Variants in MBTPS2 observed in about 807,000 individuals in gnomAD.
The protein encoded by MBTPS2 is membrane bound transcription factor peptidase, site 2.
MBTPS2 carries 2 observed loss-of-function variants against 35.4 expected under a neutral mutation model. That is an observed-to-expected ratio of 0.06 (90% CI 0.02 to 0.18). The LOEUF is 0.18. Ranked by LOEUF, MBTPS2 falls within the 10% of genes least tolerant of loss-of-function variation. The probability of loss-of-function intolerance (pLI) is 1.00; values close to 1 mark genes in which losing one functional copy is unlikely to be tolerated. For missense variants in MBTPS2, 244 were observed against 386.5 expected (o/e 0.63, Z 3.09); for synonymous variants, 125 against 140.4 (o/e 0.89, Z 0.77).
intron 5 of MBTPS2, chrX:21,857,600 G>A (rs757067945): frequency 5.0e-6 from 6 of 1,197,416 alleles, no homozygotes; most frequent in Middle Eastern, 2.3e-4. Flanking sequence ...AAAACAACCC[G>A]TGAAAAGGAG....
intron 7 of MBTPS2, chrX:21,870,778 C>G (rs2092946404): frequency 8.9e-6 from 1 of 112,060 alleles, no homozygotes; most frequent in African/African-American, 3.2e-5. Flanking sequence ...AGGCAAGTTT[C>G]TTCTCGGATC....
At chrX:21,841,612 C>T (rs1029996761) in intron 1 of MBTPS2, among the ~76,000 whole-genome samples, 2 of 111,795 alleles carry the variant, frequency 1.8e-5, no homozygotes, top group Admixed American at 9.5e-5. Context: ...CCAGCCTGAG[C>T]AACATAGTAA....
At position 21,853,186 on chromosome X, in the gene MBTPS2, C is replaced by A. The variant is rs56406474; in HGVS notation, c.543-190C>A. 0.17 allele frequency among the ~76,000 whole-genome samples: 18,833 copies of A among 109,773 alleles called. 1,351 individuals carry two copies. The highest frequency in any genetic ancestry group is 0.24 in the East Asian group (853 of 3,503). ...TGCAAAATTCAATTTCACAGATAAC[C>A]AAATCTGTACATTATTATAAAATTA... On this transcript the variant is annotated intron_variant, in intron 4 of 10. Coordinates refer to ENST00000379484, the MANE Select transcript of MBTPS2 (RefSeq NM_015884.4).
At chrX:21,849,450 T>C (rs1329544180) in intron 3 of MBTPS2, among the ~76,000 whole-genome samples, 1 of 111,602 alleles carries the variant, frequency 9.0e-6, no homozygotes, top group Admixed American at 9.6e-5. Context: ...GTAAATCACA[T>C]TGCAGATTTG....
At chrX:21,863,537 A>T (rs997308597) in intron 5 of MBTPS2, among the ~76,000 whole-genome samples, 1 of 111,110 alleles carries the variant, frequency 9.0e-6, no homozygotes, top group African/African-American at 3.3e-5. Context: ...TGGAATTTTT[A>T]TAGTCAGTGT....
Position 21,880,922 on chromosome X carries a change from T to A in MBTPS2, c.1287T>A (p.Arg429=). 8.3e-7 allele frequency: 1 copy of A among 1,203,648 alleles called. No individual in the cohort carries two copies. The highest frequency in any genetic ancestry group is 3.0e-5 in the East Asian group (1 of 33,767). The change falls in exon 10 of 11, where the codon CGT becomes CGA. Residue 429 remains arginine (R), a synonymous_variant. Transcript: ENST00000379484. ...TGAGCATCACCAGTTTTATCCCACGTTTTAACTTTCTAAGCATAGATCTGC... is the reference window on the plus strand; with the variant it reads ...TGAGCATCACCAGTTTTATCCCACGATTTAACTTTCTAAGCATAGATCTGC... The part of the protein sequence containing the change: ...YTVSITSFIP[R]FNFLSIDLPV...
At chrX:21,882,342 A>G in intron 10 of MBTPS2, 91 bp from the exon 11 acceptor site, 2 of 670,987 alleles carry the variant, frequency 3.0e-6, no homozygotes, top group South Asian at 4.4e-5. Flanking sequence ...GTAATCTCTA[A>G]TTCAGTCACA....
intron 5 of MBTPS2, among the ~76,000 whole-genome samples, chrX:21,867,621 GAC>G (rs2092941785): frequency 1.0e-5 from 1 of 96,472 alleles, no homozygotes; most frequent in Non-Finnish European, 2.0e-5. Flanking sequence ...AAATAATAAA[GAC>G]GGTTTTCTCT....
In MBTPS2 at chrX:21,867,889, C is replaced by T. The variant is rs1028146662; in HGVS notation, c.671-578C>T. Among the ~76,000 whole-genome samples, 48 of 110,283 alleles carry T rather than the reference C, an allele frequency of 4.4e-4. 1 individual carries two copies. Among genetic ancestry groups the T allele is most frequent in the Non-Finnish European group, 1.7e-4 (9 of 52,604 alleles). ...CTCCTGACCTCGTGATCCGCCCGCC[C>T]TGGCCTCCCAAAGTGCTGGGATTAC... On this transcript the variant is annotated intron_variant, in intron 5 of 10. Transcript: ENST00000379484.
intron 9 of MBTPS2, among the ~76,000 whole-genome samples, chrX:21,879,233 C>A (rs981647672): frequency 9.0e-6 from 1 of 111,547 alleles, no homozygotes; most frequent in Admixed American, 9.5e-5. Context: ...GTTTACCATG[C>A]GATTTACCCA....
chrX:21,874,691 A>G lies in MBTPS2; in HGVS notation c.971-3351A>G, dbSNP rs780129502. Among the ~76,000 whole-genome samples the G allele has an allele frequency of 3.5e-4, 39 of 111,783 alleles. No homozygotes were observed. In the South Asian group the frequency reaches 6.3e-3, roughly 18 times the overall value. ...CATTATGAAACTTTTCTGGCCTTAA[A>G]TTTTTCTGATTGTCTCCCACACTGG... On this transcript the variant is annotated intron_variant, in intron 7 of 10. Transcript: ENST00000379484.
At chrX:21,843,444 A>G (rs2092904998) in intron 2 of MBTPS2, 126 bp downstream of exon 2, 1 of 718,217 alleles carries the variant, frequency 1.4e-6, no homozygotes, top group Non-Finnish European at 2.1e-6. Context: ...CAATATTAAA[A>G]CTTTCTGGTT....
chrX:21,863,425 G>A (rs2092935676), intron 5 of MBTPS2, among the ~76,000 whole-genome samples: 1 of 110,272 alleles, frequency 9.1e-6, no homozygotes, highest in African/African-American at 3.3e-5. Flanking sequence ...AGAAAATCTG[G>A]AGTAATGGAA....
intron 4 of MBTPS2, among the ~76,000 whole-genome samples, chrX:21,852,106 TAAG>T (rs1297662421): frequency 1.8e-5 from 2 of 112,112 alleles, no homozygotes; most frequent in Admixed American, 9.5e-5. Flanking sequence ...AAGTGGAAGA[TAAG>T]AAGACACCTG....
At chrX:21,853,220 T>C (rs1233340200) in intron 4 of MBTPS2, among the ~76,000 whole-genome samples, 156 bp from the exon 5 acceptor site, 2 of 111,182 alleles carry the variant, frequency 1.8e-5, no homozygotes, top group Non-Finnish European at 1.9e-5. Flanking sequence ...TAAGATTATA[T>C]ATAGTATAGA....
chrX:21,866,219 C>G (rs937112941), intron 5 of MBTPS2, among the ~76,000 whole-genome samples: 1 of 111,309 alleles, frequency 9.0e-6, no homozygotes. Flanking sequence ...CATCTAAGTC[C>G]TACTGTTTCT....
chrX:21,848,693 A>G (rs912063119), intron 3 of MBTPS2, among the ~76,000 whole-genome samples: 1 of 110,910 alleles, frequency 9.0e-6, no homozygotes, highest in African/African-American at 3.3e-5. Flanking sequence ...AAATATATAA[A>G]TAAAATAAAA....
intron 7 of MBTPS2, 108 bp downstream of exon 7, chrX:21,869,786 C>T (rs2092944955): frequency 1.6e-6 from 1 of 643,615 alleles, no homozygotes; most frequent in Admixed American, 2.5e-5. Flanking sequence ...CTGTTTAAAG[C>T]AAATCAGTAA....
intron 5 of MBTPS2, among the ~76,000 whole-genome samples, chrX:21,855,638 G>A (rs1327219309): frequency 9.0e-6 from 1 of 110,720 alleles, no homozygotes; most frequent in Non-Finnish European, 1.9e-5. Flanking sequence ...TGCCATGTTG[G>A]CTAGGCTGGT....
Sources: allele counts gnomAD v4.1 joint callset (sites outside exome capture counted in the v4.1 genomes callset), GRCh38; gene constraint gnomAD v4.1.1; transcripts MANE v1.5; gene names NCBI Gene and HGNC (gene_info 2026-07-23, HGNC 2026-07-21).